The following CHRM3 variants were observed in gnomAD, a reference collection of about 807,000 sequenced individuals.
The protein encoded by CHRM3 is muscarinic acetylcholine receptor M3.
In CHRM3, 11 loss-of-function variants were observed where a neutral mutation model predicts 41.8. The observed-to-expected ratio is 0.26, with a 90% CI of 0.17 to 0.44. The LOEUF is 0.44. Ranked by LOEUF, CHRM3 falls within the 20% of genes least tolerant of loss-of-function variation. The pLI, the probability that CHRM3 is intolerant of heterozygous loss-of-function variation, is 1.00. For missense variants in CHRM3, 571 were observed against 745.4 expected, an observed-to-expected ratio of 0.77 and a Z score of 2.72; for synonymous variants, 297 against 301.4, an observed-to-expected ratio of 0.99 and a Z score of 0.15.
Position 239,729,054 on chromosome 1 carries a change from T to A in CHRM3, c.-147+50766T>A, listed in dbSNP as rs1472476418. ...TAATACTCATAAGAACTCACTGTGT[T>A]GACATTTGCATTGCTGGTGTAAAAG... is the stretch of plus-strand genomic sequence containing the variant. On this transcript the variant is annotated intron_variant, in intron 5 of 6. Coordinates refer to ENST00000676153, the MANE Select transcript of CHRM3 (RefSeq NM_001375978.1). 3.9e-5 allele frequency among the ~76,000 whole-genome samples: 6 copies of A among 152,044 alleles called. No individual in the cohort carries two copies. In the East Asian group the frequency reaches 1.2e-3, roughly 30 times the overall value.
chr1:239,580,942 T>C (rs986960073), intron 3 of CHRM3, among the ~76,000 whole-genome samples: 1 of 151,850 alleles, frequency 6.6e-6, no homozygotes, highest in African/African-American at 2.4e-5. Flanking sequence ...ACTACCCAAA[T>C]GAATGCAGTT....
intron 1 of CHRM3, among the ~76,000 whole-genome samples, chr1:239,390,526 T>G (rs2102910508): frequency 6.6e-6 from 1 of 152,110 alleles, no homozygotes; most frequent in Admixed American, 6.5e-5. Flanking sequence ...TTTCTTCAAA[T>G]CACTCATCAC....
chr1:239,734,345 C>T (rs1011024565), intron 5 of CHRM3, among the ~76,000 whole-genome samples: 1 of 152,064 alleles, frequency 6.6e-6, no homozygotes, highest in Non-Finnish European at 1.5e-5. Context: ...AAAGGACTTT[C>T]ACTAGTGACC....
chr1:239,873,980 C>T (rs1015376277), intron 6 of CHRM3, among the ~76,000 whole-genome samples: 1 of 151,950 alleles, frequency 6.6e-6, no homozygotes, highest in East Asian at 1.9e-4. Flanking sequence ...TCATGGATTT[C>T]GTGTGCTTAG....
At chr1:239,596,912 G>T (rs1443445880) in intron 3 of CHRM3, among the ~76,000 whole-genome samples, 1 of 152,100 alleles carries the variant, frequency 6.6e-6, no homozygotes, top group Admixed American at 6.5e-5. Flanking sequence ...AAGCAAAGTT[G>T]TTGGGTTTTT....
chr1:239,591,548 T>G (rs2148640513), intron 3 of CHRM3, among the ~76,000 whole-genome samples: 1 of 152,130 alleles, frequency 6.6e-6, no homozygotes, highest in East Asian at 1.9e-4. Context: ...TATTTCTATT[T>G]ACTTCAAAAT....
intron 1 of CHRM3, among the ~76,000 whole-genome samples, chr1:239,463,762 A>G (rs190474564): frequency 1.7e-4 from 26 of 152,226 alleles, no homozygotes; most frequent in South Asian, 1.0e-3. Flanking sequence ...ACTATAGGTA[A>G]GATGTGATAT....
chr1:239,396,048 C>T (rs4130463), intron 1 of CHRM3, among the ~76,000 whole-genome samples: 23,107 of 152,164 alleles, frequency 0.15, 2,360 homozygotes, highest in East Asian at 0.34. Flanking sequence ...TCCTCTGCCA[C>T]GTTCTCTTGC....
intron 1 of CHRM3, among the ~76,000 whole-genome samples, chr1:239,463,319 A>G (rs1572388202): frequency 6.6e-6 from 1 of 152,172 alleles, no homozygotes; most frequent in African/African-American, 2.4e-5. Context: ...GTGAGTCTGA[A>G]AGGGTATGCC....
At chr1:239,741,047 A>G (rs993838387) in intron 5 of CHRM3, among the ~76,000 whole-genome samples, 1 of 152,168 alleles carries the variant, frequency 6.6e-6, no homozygotes, top group African/African-American at 2.4e-5. Context: ...TGTAAGTCTC[A>G]GAGGGGAAAG....
chr1:239,544,751 T>G (rs1375112528), intron 2 of CHRM3, among the ~76,000 whole-genome samples: 1 of 152,106 alleles, frequency 6.6e-6, no homozygotes, highest in Admixed American at 6.6e-5. Flanking sequence ...CAAAGACGAG[T>G]AGAATACCAT....
intron 2 of CHRM3, among the ~76,000 whole-genome samples, chr1:239,532,009 C>CTTTTTTTTTTTTTTT (rs34798101): frequency 2.6e-5 from 2 of 76,292 alleles, no homozygotes; most frequent in African/African-American, 1.1e-4. Context: ...TTCCTTCTTT[C>CTTTTTTTTTTTTTTT]TTTTTTTTTT....
intron 3 of CHRM3, among the ~76,000 whole-genome samples, chr1:239,605,225 C>G (rs1201120984): frequency 6.6e-6 from 1 of 152,148 alleles, no homozygotes; most frequent in Non-Finnish European, 1.5e-5. Flanking sequence ...ACATTTCCAT[C>G]AATGAGGGAC....
chr1:239,881,163 G>A lies in CHRM3; in HGVS notation c.-19-26270G>A, dbSNP rs868654324. Among the ~76,000 whole-genome samples, 11 of 150,902 alleles carry A rather than the reference G, an allele frequency of 7.3e-5. 1 individual carries two copies. The highest frequency in any genetic ancestry group is 4.2e-4 in the South Asian group (2 of 4,754). On this transcript the variant is annotated intron_variant, in intron 6 of 6. Coordinates refer to ENST00000676153, the MANE Select transcript of CHRM3 (RefSeq NM_001375978.1). Reference sequence around the variant, plus strand: ...CCGGGCGTGGTGGTGGGCGCCTGTAGTCCCAGCTTCTCGGGAGGCTGAGGC... The same window carrying A: ...CCGGGCGTGGTGGTGGGCGCCTGTAATCCCAGCTTCTCGGGAGGCTGAGGC...
chr1:239,742,462 TCTC>T (rs1490787809), intron 5 of CHRM3, among the ~76,000 whole-genome samples: 2 of 152,098 alleles, frequency 1.3e-5, no homozygotes, highest in African/African-American at 4.8e-5. Flanking sequence ...GTGTTTACAT[TCTC>T]CTCTATATGG....
At chr1:239,602,346 G>T (rs988135221) in intron 3 of CHRM3, among the ~76,000 whole-genome samples, 2 of 151,708 alleles carry the variant, frequency 1.3e-5, no homozygotes, top group African/African-American at 4.8e-5. Flanking sequence ...TATGAATTTT[G>T]GTAAGACAAG....
chr1:239,715,193 T>G (rs1662214399), intron 5 of CHRM3, among the ~76,000 whole-genome samples: 1 of 148,722 alleles, frequency 6.7e-6, no homozygotes, highest in South Asian at 2.2e-4. Flanking sequence ...AATGAAGAAC[T>G]GTTAAGAATT....
At position 239,792,722 on chromosome 1, in the gene CHRM3, C is replaced by T. The variant is rs1428777605; in HGVS notation, c.-146-34530C>T. ...TTTAAATTGGTAAAGTTCAGAGTAC[C>T]TGGTTCTTGCCAAGATCATTGAAAT... On this transcript the variant is annotated intron_variant, in intron 5 of 6. Transcript: ENST00000676153. Among the ~76,000 whole-genome samples the T allele has an allele frequency of 3.3e-5, 5 of 152,274 alleles. 1 individual carries two copies. Among genetic ancestry groups the T allele is most frequent in the South Asian group, 4.2e-4 (2 of 4,812 alleles).
intron 6 of CHRM3, among the ~76,000 whole-genome samples, chr1:239,874,124 C>T (rs1019492832): frequency 2.6e-5 from 4 of 151,688 alleles, no homozygotes; most frequent in African/African-American, 9.7e-5. Context: ...GGTACCAGCA[C>T]TCAGATGGAA....
Sources: gnomAD v4.1 joint callset for allele counts (sites outside exome capture counted in the v4.1 genomes callset) on GRCh38, gnomAD v4.1.1 for gene constraint, MANE v1.5 for transcripts, NCBI Gene and HGNC (gene_info 2026-07-23, HGNC 2026-07-21) for gene names.